TDRD6: variants seen among roughly 807,000 people sequenced by gnomAD.
TDRD6 encodes the protein tudor domain-containing protein 6.
Under a neutral mutation model 157.5 loss-of-function variants are expected in TDRD6, and 186 were observed. That is an observed-to-expected ratio of 1.18 (90% CI 1.05 to 1.33). The LOEUF (loss-of-function observed/expected upper bound fraction) is 1.33. TDRD6 is among the 40% of genes most tolerant of loss of function. TDRD6 has a pLI of 0.00. For synonymous variants in TDRD6, 1,075 were observed against 945.2 expected (o/e 1.14, Z -2.52); for missense variants, 3,066 against 2,508.0 (o/e 1.22, Z -4.75).
In TDRD6 at chr6:46,688,122, C is replaced by G. The variant is rs202198590; in HGVS notation, c.-7C>G. 9 of 1,505,256 alleles carry G rather than the reference C, an allele frequency of 6.0e-6. No homozygotes were observed. The highest frequency in any genetic ancestry group is 7.9e-6 in the Non-Finnish European group (9 of 1,136,394). 93.2% of individuals were successfully genotyped at this position (1,505,256 alleles called of 1,614,324 possible). On this transcript the variant is annotated 5_prime_UTR_variant, in exon 1 of 4. Coordinates refer to ENST00000316081, the MANE Select transcript of TDRD6 (RefSeq NM_001010870.3). ...TCCGGAAGTGGGGGCCGCGCCGCGC[C>G]GTCAAGATGTGCTCGACGCCCGGAA...
rs1764311502 is a variant in TDRD6 at position 46,691,385 on chromosome 6, A to G, written c.3257A>G (p.Tyr1086Cys). Residue 1086 changes from tyrosine to cysteine, a missense_variant, in exon 1 of 4, where the codon TAT (tyrosine) becomes TGT (cysteine). Tyr to Cys is a radical substitution (Grantham distance 194). Coordinates refer to ENST00000316081, the MANE Select transcript of TDRD6 (RefSeq NM_001010870.3). ...DDLLPIPSDA[Y>C]DVLLLPMQAV... ...CTGCTTCCAATACCTAGTGATGCAT[A>G]TGATGTCTTACTTTTGCCCATGCAA... 6.2e-7 allele frequency: 1 copy of G among 1,614,014 alleles called. No individual in the cohort carries two copies.
Position 46,692,710 on chromosome 6 carries a change from A to T in TDRD6, c.4582A>T (p.Ile1528Leu). ...KKMIRAYATVIDGPEYFWCQF... is the reference protein window; with the variant it reads ...KKMIRAYATVLDGPEYFWCQF... ...AATGATAAGAGCTTATGCCACTGTG[A>T]TAGATGGACCTGAGTACTTTTGGTG... The change falls in exon 1 of 4, where the codon ATA (isoleucine) becomes TTA (leucine). Residue 1528 changes from isoleucine to leucine, a missense_variant. By Grantham distance (5) the Ile-to-Leu change is conservative (BLOSUM62 2). Coordinates refer to ENST00000316081, the MANE Select transcript of TDRD6 (RefSeq NM_001010870.3). 4 of 1,614,182 alleles carry T rather than the reference A, an allele frequency of 2.5e-6. No individual in the cohort carries two copies. Among genetic ancestry groups the T allele is most frequent in the Non-Finnish European group, 2.5e-6 (3 of 1,180,032 alleles).
chr6:46,699,362 A>C (rs1331052768), intron 3 of TDRD6, among the ~76,000 whole-genome samples: 4 of 152,186 alleles, frequency 2.6e-5, no homozygotes, highest in Non-Finnish European at 4.4e-5. Context: ...TCCTGGTTCC[A>C]CTGGCTAGAG....
chr6:46,690,119 G>A lies in TDRD6; in HGVS notation c.1991G>A (p.Gly664Glu), dbSNP rs745724876. ...ENISKVIAQA[G>E]YAKYQEFETK... ...ATTAGTAAGGTAATTGCCCAAGCTG[G>A]ATATGCCAAGTATCAGGAATTTGAA... Residue 664 changes from glycine (G) to glutamate (E), a missense_variant, in exon 1 of 4, where the codon GGA becomes GAA. Transcript: ENST00000316081. The A allele has an allele frequency of 1.2e-6, 2 of 1,613,648 alleles. No individual in the cohort carries two copies. The highest frequency in any genetic ancestry group is 1.7e-6 in the Non-Finnish European group (2 of 1,179,890).
chr6:46,680,340 AAAAG>A, the TDRD6 span, among the ~76,000 whole-genome samples: 3 of 152,146 alleles, frequency 2.0e-5, no homozygotes, highest in Non-Finnish European at 2.9e-5. Flanking sequence ...GAAAAAAAAA[AAAAG>A]AAAAGCTGAA....
chr6:46,681,518 C>T, the TDRD6 span: 1 of 470,496 alleles, frequency 2.1e-6, no homozygotes, highest in African/African-American at 2.0e-5. Flanking sequence ...CATACTTTAC[C>T]CCCAACAGGC....
intron 2 of TDRD6, among the ~76,000 whole-genome samples, chr6:46,696,571 G>A (rs1385789671): frequency 1.6e-5 from 1 of 63,368 alleles, no homozygotes; most frequent in African/African-American, 6.8e-5. Flanking sequence ...GTGTGTGTGT[G>A]TGTGTGTGTG....
At position 46,689,194 on chromosome 6, in the gene TDRD6, T is replaced by TG. The variant is rs752788997; in HGVS notation, c.1067dup (p.Cys356TrpfsTer10). On this transcript the variant is annotated frameshift_variant, in exon 1 of 4. Transcript: ENST00000316081. LOFTEE classifies it high-confidence loss of function. ...CTATGGAAGGAAGGAGTTAGTGAGTTGCAGCAGCCTTCGGTACTTGCTGCC... is the reference window on the plus strand; with the variant it reads ...CTATGGAAGGAAGGAGTTAGTGAGTTGGCAGCAGCCTTCGGTACTTGCTGCC... 1 of 1,614,204 alleles carries TG rather than the reference T, an allele frequency of 6.2e-7. No homozygotes were observed. Among genetic ancestry groups the TG allele is most frequent in the Non-Finnish European group, 8.5e-7 (1 of 1,180,040 alleles).
Position 46,690,417 on chromosome 6 carries a change from T to C in TDRD6, c.2289T>C (p.Ser763=). The C allele has an allele frequency of 1.9e-6, 3 of 1,614,042 alleles. No individual in the cohort carries two copies. The highest frequency in any genetic ancestry group is 2.5e-6 in the Non-Finnish European group (3 of 1,180,024). Residue 763 remains serine, a synonymous_variant, in exon 1 of 4, where the codon TCT becomes TCC. Transcript: ENST00000316081. Reference sequence around the variant, plus strand: ...GCTTGGAAATTAAGCCAGGCTCCTCTAGTAAAGGAGAGCTGGAAGTTGGAA... The same window carrying C: ...GCTTGGAAATTAAGCCAGGCTCCTCCAGTAAAGGAGAGCTGGAAGTTGGAA... ...QNCLEIKPGS[S]SKGELEVGST...
rs1229230152 is a variant in TDRD6 at position 46,690,228 on chromosome 6, T to G, written c.2100T>G (p.Phe700Leu). The change falls in exon 1 of 4, where the codon TTT becomes TTG. Residue 700 changes from phenylalanine (F) to leucine (L), a missense_variant. By Grantham distance (22) the Phe-to-Leu change is conservative. Coordinates refer to ENST00000316081, the MANE Select transcript of TDRD6 (RefSeq NM_001010870.3). ...CTACGGAGAGTAACAAAATACCTTTTGCCAAGACTGGAGAAGGAGAGCAGA... is the reference window on the plus strand; with the variant it reads ...CTACGGAGAGTAACAAAATACCTTTGGCCAAGACTGGAGAAGGAGAGCAGA... ...HFTTESNKIPFAKTGEGEQKA... is the reference protein window; with the variant it reads ...HFTTESNKIPLAKTGEGEQKA... The G allele has an allele frequency of 1.2e-6, 2 of 1,613,826 alleles. No homozygotes were observed. Among genetic ancestry groups the G allele is most frequent in the East Asian group, 4.5e-5 (2 of 44,880 alleles).
upstream of TDRD6, among the ~76,000 whole-genome samples, chr6:46,684,050 G>A (rs1764027472): frequency 6.6e-6 from 1 of 151,978 alleles, no homozygotes; most frequent in South Asian, 2.1e-4. Flanking sequence ...TATTTGCCTG[G>A]GTCACATGGC....
Position 46,697,110 on chromosome 6 carries a change from A to G in TDRD6, c.6172-888A>G, listed in dbSNP as rs187859630. On this transcript the variant is annotated intron_variant, in intron 2 of 3. Coordinates refer to ENST00000316081, the MANE Select transcript of TDRD6 (RefSeq NM_001010870.3). ...TGTTTATGTACTCTCTTTGGCCCTA[A>G]TTCTTTATATTTTGTACTTTATATT... is the stretch of plus-strand genomic sequence containing the variant. Among the ~76,000 whole-genome samples, 674 of 152,218 alleles carry G rather than the reference A, an allele frequency of 4.4e-3. 2 individuals are homozygous for G. The highest frequency in any genetic ancestry group is 0.018 in the South Asian group (89 of 4,820).
Position 46,698,093 on chromosome 6 carries a change from G to A in TDRD6, c.6261+6G>A. On this transcript the variant is annotated splice_donor_region_variant and intron_variant, in intron 3 of 3. Coordinates refer to ENST00000316081, the MANE Select transcript of TDRD6 (RefSeq NM_001010870.3). ...TGGATAAGAGTCCACCTGAGGTATG[G>A]AATTCTATAAATAGTAATTAGTGAG... 1 of 1,578,788 alleles carries A rather than the reference G, an allele frequency of 6.3e-7. No homozygotes were observed. The highest frequency in any genetic ancestry group is 8.7e-7 in the Non-Finnish European group (1 of 1,151,248).
chr6:46,690,587 C>G lies in TDRD6; in HGVS notation c.2459C>G (p.Thr820Ser). ...KNTAAPHQRN[T>S]LACLAKRTVN... ...ACAGCTGCTCCTCACCAGAGAAACA[C>G]CCTTGCTTGTTTGGCTAAGCGAACA... Residue 820 changes from threonine to serine, a missense_variant, in exon 1 of 4, where the codon ACC becomes AGC. Transcript: ENST00000316081. 1 of 1,614,204 alleles carries G rather than the reference C, an allele frequency of 6.2e-7. No homozygotes were observed. Among genetic ancestry groups the G allele is most frequent in the South Asian group, 1.1e-5 (1 of 91,084 alleles).
Position 46,688,594 on chromosome 6 carries a change from G to C in TDRD6, c.466G>C (p.Asp156His). ...GCAGCACTGGCCCGCCGACGCCGTG[G>C]ACTTCCTTAGCAACCTTCAGGGCAA... Reference protein sequence around the residue: ...PPQHWPADAVDFLSNLQGKEV... With the variant: ...PPQHWPADAVHFLSNLQGKEV... Residue 156 changes from aspartate (D) to histidine (H), a missense_variant, in exon 1 of 4, where the codon GAC (aspartate) becomes CAC (histidine). By Grantham distance (81) the Asp-to-His change is moderately conservative. Transcript: ENST00000316081. 6.3e-7 allele frequency: 1 copy of C among 1,598,852 alleles called. No individual in the cohort carries two copies. Among genetic ancestry groups the C allele is most frequent in the Non-Finnish European group, 8.5e-7 (1 of 1,179,652 alleles).
chr6:46,692,580 A>G lies in TDRD6; in HGVS notation c.4452A>G (p.Gln1484=), dbSNP rs745653012. ...ISRYALSEKS[Q]VELSTQVIKS... ...GGTATGCTCTCAGTGAAAAATCTCA[A>G]GTAGAACTTTCTACCCAAGTAATTA... The change falls in exon 1 of 4, where the codon CAA becomes CAG. Residue 1484 remains glutamine (Q), a synonymous_variant. Transcript: ENST00000316081. 7 of 1,613,846 alleles carry G rather than the reference A, an allele frequency of 4.3e-6. No individual in the cohort carries two copies. Among genetic ancestry groups the G allele is most frequent in the Admixed American group, 1.7e-5 (1 of 59,998 alleles).
upstream of TDRD6, among the ~76,000 whole-genome samples, chr6:46,686,476 T>TTA (rs969938366): frequency 7.8e-6 from 1 of 127,834 alleles, no homozygotes; most frequent in Non-Finnish European, 1.7e-5. Flanking sequence ...TAGAAGTATG[T>TTA]AAAAAAAAAA....
At chr6:46,698,813 G>A (rs1168697911) in intron 3 of TDRD6, among the ~76,000 whole-genome samples, 1 of 152,164 alleles carries the variant, frequency 6.6e-6, no homozygotes, top group African/African-American at 2.4e-5. Context: ...TAAGACATTG[G>A]GTCCTGTTAA....
chr6:46,690,843 T>C lies in TDRD6; in HGVS notation c.2715T>C (p.Ala905=). The change falls in exon 1 of 4, where the codon GCT becomes GCC. Residue 905 remains alanine, a synonymous_variant. Transcript: ENST00000316081. ...TTTGGGATGTAAAGGCAATACAAGCTTTCAATGAATTTATAGATAATGCAT... is the reference window on the plus strand; with the variant it reads ...TTTGGGATGTAAAGGCAATACAAGCCTTCAATGAATTTATAGATAATGCAT... ...PFVWDVKAIQ[A]FNEFIDNAWQ... 6.2e-7 allele frequency: 1 copy of C among 1,613,714 alleles called. No homozygotes were observed. The highest frequency in any genetic ancestry group is 1.1e-5 in the South Asian group (1 of 91,000).
Sources: gnomAD v4.1 joint callset for allele counts (sites outside exome capture counted in the v4.1 genomes callset) on GRCh38, gnomAD v4.1.1 for gene constraint, MANE v1.5 for transcripts, NCBI Gene and HGNC (gene_info 2026-07-23, HGNC 2026-07-21) for gene names.